The following PRKDC variants were observed in gnomAD, a reference collection of about 807,000 sequenced individuals.
PRKDC encodes DNA-dependent protein kinase catalytic subunit.
Under a neutral mutation model 486.9 loss-of-function variants are expected in PRKDC, and 82 were observed. The observed-to-expected ratio is 0.17, with a 90% CI of 0.14 to 0.20. The LOEUF (loss-of-function observed/expected upper bound fraction) is 0.20. Ranked by LOEUF, PRKDC falls within the 10% of genes least tolerant of loss-of-function variation. The pLI, the probability that PRKDC is intolerant of heterozygous loss-of-function variation, is 1.00. For missense variants in PRKDC, 4,504 were observed against 5,038.2 expected (o/e 0.89, Z 3.21); for synonymous variants, 1,895 against 1,837.0 (o/e 1.03, Z -0.81).
chr8:47,923,237 T>C (rs1382470768), intron 21 of PRKDC, among the ~76,000 whole-genome samples: 2 of 151,982 alleles, frequency 1.3e-5, no homozygotes, highest in African/African-American at 4.8e-5. Flanking sequence ...CTAATTTTTT[T>C]TCTTTTTAGT....
At chr8:47,901,486 C>CA (rs928639796) in intron 27 of PRKDC, among the ~76,000 whole-genome samples, 23 of 149,792 alleles carry the variant, frequency 1.5e-4, no homozygotes, top group East Asian at 7.8e-4. Flanking sequence ...AAAACAAAAA[C>CA]AAAAAAAAAT....
intron 21 of PRKDC, among the ~76,000 whole-genome samples, chr8:47,925,878 C>G (rs1163687938): frequency 6.6e-6 from 1 of 152,176 alleles, no homozygotes; most frequent in African/African-American, 2.4e-5. Context: ...ACTGTTCCTG[C>G]AATTGTTCTG....
intron 69 of PRKDC, among the ~76,000 whole-genome samples, chr8:47,804,596 G>A (rs139075072): frequency 2.6e-5 from 4 of 152,056 alleles, no homozygotes; most frequent in Non-Finnish European, 5.9e-5. Flanking sequence ...CACTGCACCC[G>A]GCTGGACATG....
chr8:47,901,312 A>G (rs1272897845), intron 27 of PRKDC, among the ~76,000 whole-genome samples: 1 of 152,090 alleles, frequency 6.6e-6, no homozygotes, highest in Non-Finnish European at 1.5e-5. Context: ...AGTCTCTACT[A>G]AAAACACAAA....
chr8:47,953,802 C>A lies in PRKDC; in HGVS notation c.621+5G>T. 1 of 1,572,536 alleles carries A rather than the reference C, an allele frequency of 6.4e-7. No homozygotes were observed. Among genetic ancestry groups the A allele is most frequent in the Non-Finnish European group, 8.6e-7 (1 of 1,156,728 alleles). On this transcript the variant is annotated splice_donor_5th_base_variant and intron_variant, in intron 6 of 85. Transcript: ENST00000314191. Reference sequence around the variant, plus strand: ...GGAAGCAGAATGTCATAAAGTTCATCATACCTGGGTCTTAAGTTCACCCAG... The same window carrying A: ...GGAAGCAGAATGTCATAAAGTTCATAATACCTGGGTCTTAAGTTCACCCAG...
At chr8:47,900,539 G>T in intron 27 of PRKDC, 72 bp from the exon 28 acceptor site, 2 of 1,363,038 alleles carry the variant, frequency 1.5e-6, no homozygotes, top group Non-Finnish European at 2.0e-6. Context: ...AAGAAGGAAT[G>T]GAATTAAAGA....
intron 52 of PRKDC, among the ~76,000 whole-genome samples, chr8:47,852,272 C>T (rs2088425570): frequency 6.6e-6 from 1 of 152,132 alleles, no homozygotes; most frequent in African/African-American, 2.4e-5. Flanking sequence ...GAGATCCCTG[C>T]CCCTGTTCAA....
Position 47,817,536 on chromosome 8 carries a change from A to C in PRKDC, c.9471T>G (p.Leu3157=), listed in dbSNP as rs778993077. Residue 3157 remains leucine (L), a synonymous_variant, in exon 68 of 86, where the codon CTT becomes CTG. Transcript: ENST00000314191. ...KQGNLSSQVP[L]KRLLNTWTNR... is the part of the protein sequence containing the mutation. ...TTGTCCAGGTGTTCAGAAGTCTCTT[A>C]AGGGGAACTTGAGATGATAAATTGC... 7 of 1,604,184 alleles carry C rather than the reference A, an allele frequency of 4.4e-6. No homozygotes were observed. The South Asian group carries it at 6.7e-5, about 15-fold the overall frequency.
At chr8:47,933,292 T>C in intron 15 of PRKDC, 120 bp from the exon 16 acceptor site, 8 of 792,056 alleles carry the variant, frequency 1.0e-5, no homozygotes, top group Non-Finnish European at 1.5e-5. Context: ...GAAACAGTGA[T>C]GATAAACTGC....
rs1364531732 is a variant in PRKDC, at chr8:47,820,443, T to C, written c.9336+276A>G. On this transcript the variant is annotated intron_variant, in intron 66 of 85. Coordinates refer to ENST00000314191, the MANE Select transcript of PRKDC (RefSeq NM_006904.7). The stretch of plus-strand genomic sequence containing the variant: ...GTGTTCTTTAAGAGTATGAGAAAGG[T>C]AACAAAAAGGAAAAAAAATGAAACC... Among the ~76,000 whole-genome samples the C allele has an allele frequency of 1.3e-4, 20 of 148,232 alleles. No homozygotes were observed. The Admixed American group carries it at 1.3e-3, about 10-fold the overall frequency.
intron 61 of PRKDC, 131 bp downstream of exon 61, chr8:47,830,474 A>G: frequency 8.0e-7 from 1 of 1,250,480 alleles, no homozygotes; most frequent in Non-Finnish European, 1.1e-6. Flanking sequence ...TACCAAGTCC[A>G]CCGTTGAGGA....
intron 30 of PRKDC, among the ~76,000 whole-genome samples, chr8:47,894,569 G>A (rs920024147): frequency 3.3e-5 from 5 of 152,062 alleles, no homozygotes; most frequent in African/African-American, 1.2e-4. Flanking sequence ...TTCTTCCTTG[G>A]TCTCCACCGA....
chr8:47,903,198 GA>G (rs1488762201), intron 26 of PRKDC, among the ~76,000 whole-genome samples: 3 of 152,150 alleles, frequency 2.0e-5, no homozygotes, highest in African/African-American at 7.2e-5. Flanking sequence ...AAGTCAAAGA[GA>G]ATAAGACCCT....
At chr8:47,949,480 A>G (rs1004509479) in intron 7 of PRKDC, among the ~76,000 whole-genome samples, 1 of 152,194 alleles carries the variant, frequency 6.6e-6, no homozygotes, top group African/African-American at 2.4e-5. Context: ...ACAATAAATG[A>G]GCACTAAGTG....
intron 80 of PRKDC, among the ~76,000 whole-genome samples, chr8:47,780,699 G>A (rs1361294232): frequency 6.6e-6 from 1 of 152,038 alleles, no homozygotes; most frequent in African/African-American, 2.4e-5. Flanking sequence ...CAGTACTTTA[G>A]GAGGCCAATG....
rs765834052 is a variant in PRKDC at position 47,881,430 on chromosome 8, C to G, written c.5053G>C (p.Asp1685His). ...TCACTGTTTACCTTTAAATGTAGAT[C>G]CAGCTTTGTGTCAGCAAGTAGACTA... Reference protein sequence around the residue: ...YISLLADTKLDLHLKGQAVTL... With the variant: ...YISLLADTKLHLHLKGQAVTL... The change falls in exon 38 of 86, where the codon GAT becomes CAT. Residue 1685 changes from aspartate to histidine, a missense_variant. Physicochemically the swap from Asp to His is moderately conservative, Grantham distance 81. Transcript: ENST00000314191. The G allele has an allele frequency of 6.5e-7, 1 of 1,541,622 alleles. No homozygotes were observed. Among genetic ancestry groups the G allele is most frequent in the South Asian group, 1.1e-5 (1 of 87,274 alleles).
At chr8:47,835,874 G>A (rs1251600952) in intron 58 of PRKDC, among the ~76,000 whole-genome samples, 5 of 151,102 alleles carry the variant, frequency 3.3e-5, no homozygotes, top group East Asian at 2.0e-4. Context: ...GCCATTCCCC[G>A]CCTCAGCTTC....
At chr8:47,789,902 G>A (rs769980840) in intron 74 of PRKDC, among the ~76,000 whole-genome samples, 1 of 152,050 alleles carries the variant, frequency 6.6e-6, no homozygotes, top group Non-Finnish European at 1.5e-5. Flanking sequence ...AAAAAATTAG[G>A]TATAGAAGGA....
chr8:47,825,821 C>CTTG (rs1028110050), intron 63 of PRKDC, among the ~76,000 whole-genome samples: 3 of 152,152 alleles, frequency 2.0e-5, no homozygotes, highest in Non-Finnish European at 4.4e-5. Context: ...GGCATTTTAT[C>CTTG]TTGTCTCTCT....
Sources: allele counts gnomAD v4.1 joint callset (sites outside exome capture counted in the v4.1 genomes callset), GRCh38; gene constraint gnomAD v4.1.1; transcripts MANE v1.5; gene names NCBI Gene and HGNC (gene_info 2026-07-23, HGNC 2026-07-21).